The following AP3S2 variants were observed in gnomAD, a reference collection of about 807,000 sequenced individuals.
AP3S2 encodes AP-3 complex subunit sigma-2.
Under a neutral mutation model 23.4 loss-of-function variants are expected in AP3S2, and 22 were observed. That is an observed-to-expected ratio of 0.94 (90% confidence interval 0.67 to 1.34). The LOEUF is 1.34. AP3S2 is among the 40% of genes most tolerant of loss of function. AP3S2 has a pLI of 0.00. For missense variants in AP3S2, 241 were observed against 236.9 expected (o/e 1.02, Z -0.11); for synonymous variants, 86 against 87.1 (o/e 0.99, Z 0.07).
At chr15:89,858,233 T>C (rs1259547066) in intron 4 of AP3S2, among the ~76,000 whole-genome samples, 1 of 149,918 alleles carries the variant, frequency 6.7e-6, no homozygotes, top group Admixed American at 6.7e-5. Context: ...AGGTTGGGAG[T>C]TTGAGACCAG....
At chr15:89,882,481 G>C (rs988943171) in intron 3 of AP3S2, among the ~76,000 whole-genome samples, 1 of 151,514 alleles carries the variant, frequency 6.6e-6, no homozygotes, top group African/African-American at 2.4e-5. Flanking sequence ...TCAGCCTCCT[G>C]AGTAGCTACG....
chr15:89,886,297 A>T (rs1896700175), intron 3 of AP3S2, among the ~76,000 whole-genome samples: 1 of 152,136 alleles, frequency 6.6e-6, no homozygotes, highest in Non-Finnish European at 1.5e-5. Context: ...GTGAGCTGAG[A>T]TCGTGCCACT....
At chr15:89,844,730 G>C (rs534689651) in intron 4 of AP3S2, among the ~76,000 whole-genome samples, 1 of 152,022 alleles carries the variant, frequency 6.6e-6, no homozygotes, top group South Asian at 2.1e-4. Context: ...ACAATTTCCA[G>C]TTTCTTAAAG....
At chr15:89,850,048 G>T (rs1895607573) in intron 4 of AP3S2, among the ~76,000 whole-genome samples, 1 of 152,158 alleles carries the variant, frequency 6.6e-6, no homozygotes, top group South Asian at 2.1e-4. Context: ...ATGGTAAATT[G>T]TATTTTAATG....
intron 3 of AP3S2, among the ~76,000 whole-genome samples, chr15:89,871,975 G>A (rs1042937142): frequency 1.3e-5 from 2 of 151,856 alleles, no homozygotes; most frequent in African/African-American, 4.8e-5. Flanking sequence ...TGGGTGTGGC[G>A]ACACGAGCCT....
At chr15:89,889,863 CA>C (rs940624860) in intron 1 of AP3S2, among the ~76,000 whole-genome samples, 868 of 19,272 alleles carry the variant, frequency 0.045, no homozygotes, top group African/African-American at 0.094. Flanking sequence ...GACTCCATCT[CA>C]AAAAAAAAAA....
intron 3 of AP3S2, among the ~76,000 whole-genome samples, chr15:89,886,945 C>G (rs1387172196): frequency 6.6e-6 from 1 of 152,054 alleles, no homozygotes; most frequent in Non-Finnish European, 1.5e-5. Context: ...CAGGCATATG[C>G]CACCAGGCCC....
chr15:89,888,449 T>C lies in AP3S2; in HGVS notation c.273+72A>G, dbSNP rs1261243447. On this transcript the variant is annotated intron_variant, in intron 3 of 5. Coordinates refer to ENST00000336418, the MANE Select transcript of AP3S2 (RefSeq NM_005829.5). ...CAATAAGGAGATGGACACAAGGTTCTACAGGCTGGTTACTCAAAAATCCCG... is the reference window on the plus strand; with the variant it reads ...CAATAAGGAGATGGACACAAGGTTCCACAGGCTGGTTACTCAAAAATCCCG... The C allele has an allele frequency of 6.9e-6, 10 of 1,457,908 alleles. No homozygotes were observed. The South Asian group carries it at 8.2e-5, about 12-fold the overall frequency. 90.3% of individuals were successfully genotyped at this position (1,457,908 alleles called of 1,614,324 possible). A position where few individuals can be genotyped will look rare whatever the true frequency, so the allele number is the denominator to read the frequency against.
intron 4 of AP3S2, among the ~76,000 whole-genome samples, chr15:89,851,541 G>C (rs1895655074): frequency 6.6e-6 from 1 of 152,188 alleles, no homozygotes; most frequent in African/African-American, 2.4e-5. Flanking sequence ...GTTTCACTAT[G>C]TTGGCCAGGC....
chr15:89,834,615 G>A lies in AP3S2; in HGVS notation c.*900C>T, dbSNP rs1895147358. Reference sequence around the variant, plus strand: ...GGCTTGGCTATACCAAAGGATTCTGGTGGCCGGGCACGGTGGCTCACACCT... The same window carrying A: ...GGCTTGGCTATACCAAAGGATTCTGATGGCCGGGCACGGTGGCTCACACCT... On this transcript the variant is annotated 3_prime_UTR_variant, in exon 6 of 6. Coordinates refer to ENST00000336418, the MANE Select transcript of AP3S2 (RefSeq NM_005829.5). 1 of 152,342 alleles carries A rather than the reference G, an allele frequency of 6.6e-6. No homozygotes were observed. Among genetic ancestry groups the A allele is most frequent in the Middle Eastern group, 3.4e-3 (1 of 294 alleles). The allele number at this position is 152,342 out of a possible 1,614,324, so 9.4% of individuals were successfully genotyped here.
At chr15:89,888,961 C>G in intron 2 of AP3S2, 88 bp downstream of exon 2, 1 of 1,486,908 alleles carries the variant, frequency 6.7e-7, no homozygotes, top group African/African-American at 1.4e-5. Flanking sequence ...CAAGTACCCA[C>G]CTGACACTTG....
At chr15:89,860,276 G>C (rs745559183) in intron 4 of AP3S2, among the ~76,000 whole-genome samples, 2 of 152,292 alleles carry the variant, frequency 1.3e-5, no homozygotes, top group Admixed American at 1.3e-4. Context: ...ATTAGGCACA[G>C]TAAGAGATTA....
chr15:89,893,993 G>C lies in AP3S2; in HGVS notation c.-44C>G, dbSNP rs1896882705. 1 of 1,540,196 alleles carries C rather than the reference G, an allele frequency of 6.5e-7. No homozygotes were observed. ...TCTCAGCACCGGCTACTCCCAGAAAGCTCCTCCTTCCGCCACAACACGATC... is the reference window on the plus strand; with the variant it reads ...TCTCAGCACCGGCTACTCCCAGAAACCTCCTCCTTCCGCCACAACACGATC... On this transcript the variant is annotated 5_prime_UTR_variant, in exon 1 of 6. Transcript: ENST00000336418.
intron 3 of AP3S2, among the ~76,000 whole-genome samples, chr15:89,874,794 A>T (rs1039773042): frequency 6.6e-6 from 1 of 152,194 alleles, no homozygotes; most frequent in African/African-American, 2.4e-5. Flanking sequence ...AATAAATTTT[A>T]AAAATAAAAT....
In AP3S2 at chr15:89,859,762, C is replaced by CTTT. The variant is rs34836617; in HGVS notation, c.345+11710_345+11712dup. On this transcript the variant is annotated intron_variant, in intron 4 of 5. Transcript: ENST00000336418. ...AATTTAAGAAATCATTATTGCTGATCTTTTTTTTTTTTTTTTTCTGAGATG... is the reference window on the plus strand; with the variant it reads ...AATTTAAGAAATCATTATTGCTGATCTTTTTTTTTTTTTTTTTTTTCTGAGATG... Among the ~76,000 whole-genome samples, 15 of 117,308 alleles carry CTTT rather than the reference C, an allele frequency of 1.3e-4. 1 individual carries two copies. The highest frequency in any genetic ancestry group is 3.1e-4 in the Admixed American group (3 of 9,710). 77.0% of individuals were successfully genotyped at this position (117,308 alleles called of 152,430 possible). A position where few individuals can be genotyped will look rare whatever the true frequency, so the allele number is the denominator to read the frequency against.
At chr15:89,879,266 G>C (rs1355117851) in intron 3 of AP3S2, among the ~76,000 whole-genome samples, 1 of 152,226 alleles carries the variant, frequency 6.6e-6, no homozygotes, top group Non-Finnish European at 1.5e-5. Context: ...AGTATCAAAG[G>C]CAAAGCCTTT....
At chr15:89,885,002 G>A (rs1896662175) in intron 3 of AP3S2, among the ~76,000 whole-genome samples, 1 of 152,076 alleles carries the variant, frequency 6.6e-6, no homozygotes, top group East Asian at 1.9e-4. Flanking sequence ...TCCATAAAAT[G>A]CGCTTAGGTA....
chr15:89,875,099 A>C (rs984439565), intron 3 of AP3S2, among the ~76,000 whole-genome samples: 1 of 152,252 alleles, frequency 6.6e-6, no homozygotes, highest in Admixed American at 6.5e-5. Context: ...GGAAGGAGCT[A>C]TTCAGTCTGT....
At chr15:89,884,457 C>T (rs887183787) in intron 3 of AP3S2, among the ~76,000 whole-genome samples, 2 of 151,316 alleles carry the variant, frequency 1.3e-5, no homozygotes, top group African/African-American at 4.9e-5. Context: ...AAATGCAAAA[C>T]AAACAAAAAC....
Sources: allele counts gnomAD v4.1 joint callset (sites outside exome capture counted in the v4.1 genomes callset), GRCh38; gene constraint gnomAD v4.1.1; transcripts MANE v1.5; gene names NCBI Gene and HGNC (gene_info 2026-07-23, HGNC 2026-07-21).